The following CHCHD6 variants were observed in gnomAD, a reference collection of about 807,000 sequenced individuals.
The protein encoded by CHCHD6 is MICOS complex subunit MIC25.
Under a neutral mutation model 32.3 loss-of-function variants are expected in CHCHD6, and 28 were observed. That is an observed-to-expected ratio of 0.87 (90% CI 0.64 to 1.19). The LOEUF is 1.19. CHCHD6 is among the 50% of genes most tolerant of loss of function. The probability of loss-of-function intolerance (pLI) is 0.00; values close to 1 mark genes in which losing one functional copy is unlikely to be tolerated. For missense variants in CHCHD6, 333 were observed against 307.0 expected (o/e 1.08, Z -0.63); for synonymous variants, 122 against 117.5 (o/e 1.04, Z -0.25).
At chr3:126,823,196 C>T (rs1056353299) in intron 4 of CHCHD6, among the ~76,000 whole-genome samples, 9 of 152,200 alleles carry the variant, frequency 5.9e-5, no homozygotes, top group African/African-American at 1.7e-4. Context: ...GGATTACAGG[C>T]GTGAGCCATC....
intron 4 of CHCHD6, among the ~76,000 whole-genome samples, chr3:126,786,811 A>C (rs1938235897): frequency 1.3e-5 from 2 of 152,158 alleles, no homozygotes; most frequent in South Asian, 4.1e-4. Flanking sequence ...TTTGCTGTGC[A>C]GAAGCTCTTT....
At chr3:126,769,024 A>G (rs544660973) in intron 4 of CHCHD6, among the ~76,000 whole-genome samples, 5 of 152,320 alleles carry the variant, frequency 3.3e-5, no homozygotes, top group Non-Finnish European at 7.3e-5. Flanking sequence ...TTTGCTCTGC[A>G]GAAGTTCTTT....
chr3:126,706,008 A>G (rs1480777209), intron 1 of CHCHD6, among the ~76,000 whole-genome samples: 1 of 152,144 alleles, frequency 6.6e-6, no homozygotes, highest in Non-Finnish European at 1.5e-5. Flanking sequence ...CACTCGTGGC[A>G]AGGATTAAAT....
rs1226371886 is a variant in CHCHD6 at position 126,927,521 on chromosome 3, A to G, written c.566+12771A>G. Among the ~76,000 whole-genome samples, 7 of 152,216 alleles carry G rather than the reference A, an allele frequency of 4.6e-5. No individual in the cohort carries two copies. The East Asian group carries it at 1.3e-3, about 29-fold the overall frequency. On this transcript the variant is annotated intron_variant, in intron 6 of 7. Coordinates refer to ENST00000290913, the MANE Select transcript of CHCHD6 (RefSeq NM_032343.3). ...ACAGGCTTCAGCCCAGTGCTTTCTG[A>G]GTGCTCAGAGATCCATGACTCAAAA...
intron 4 of CHCHD6, among the ~76,000 whole-genome samples, chr3:126,848,940 A>G (rs1941379937): frequency 6.6e-6 from 1 of 152,084 alleles, no homozygotes; most frequent in Non-Finnish European, 1.5e-5. Context: ...AAAGTTCACT[A>G]TTTCTATTGT....
intron 1 of CHCHD6, among the ~76,000 whole-genome samples, chr3:126,717,869 G>T (rs539744952): frequency 2.0e-5 from 3 of 152,156 alleles, no homozygotes; most frequent in Non-Finnish European, 4.4e-5. Flanking sequence ...TACTCTGCAC[G>T]CGTTCCCCCT....
chr3:126,799,789 C>A (rs1938977358), intron 4 of CHCHD6, among the ~76,000 whole-genome samples: 1 of 152,176 alleles, frequency 6.6e-6, no homozygotes, highest in African/African-American at 2.4e-5. Context: ...CCCAGAATAC[C>A]ACGGCCTGGA....
chr3:126,912,362 T>G (rs1410511018), intron 5 of CHCHD6, among the ~76,000 whole-genome samples: 1 of 152,134 alleles, frequency 6.6e-6, no homozygotes, highest in South Asian at 2.1e-4. Flanking sequence ...TGGTGGATAC[T>G]GGACTGGTCG....
intron 4 of CHCHD6, among the ~76,000 whole-genome samples, chr3:126,822,121 T>A (rs1386564624): frequency 6.6e-6 from 1 of 152,196 alleles, no homozygotes; most frequent in Non-Finnish European, 1.5e-5. Flanking sequence ...AAAACACGTA[T>A]CTATAAAAAT....
intron 4 of CHCHD6, among the ~76,000 whole-genome samples, chr3:126,774,626 G>A (rs1007198578): frequency 2.0e-5 from 3 of 152,080 alleles, no homozygotes; most frequent in African/African-American, 7.2e-5. Flanking sequence ...GCCTCACCAC[G>A]CTTGGGTGGT....
At chr3:126,850,855 A>G (rs969564577) in intron 4 of CHCHD6, among the ~76,000 whole-genome samples, 4 of 152,164 alleles carry the variant, frequency 2.6e-5, no homozygotes, top group African/African-American at 9.7e-5. Context: ...CCTGGGACAC[A>G]GCTTCAGCAG....
At chr3:126,769,620 A>G (rs538157935) in intron 4 of CHCHD6, among the ~76,000 whole-genome samples, 16 of 152,166 alleles carry the variant, frequency 1.1e-4, no homozygotes, top group African/African-American at 3.6e-4. Context: ...CTCCTGCCTC[A>G]GTCTCCCGAG....
At chr3:126,935,002 G>A in intron 6 of CHCHD6, 1 of 330,578 alleles carries the variant, frequency 3.0e-6, no homozygotes, top group Non-Finnish European at 4.4e-6. Context: ...TGGACGAGAA[G>A]ACAGTTTTTA....
chr3:126,765,886 C>T (rs982551071), intron 4 of CHCHD6, among the ~76,000 whole-genome samples: 3 of 152,224 alleles, frequency 2.0e-5, no homozygotes, highest in African/African-American at 7.2e-5. Context: ...AGAAACAGAA[C>T]CAACACCGGC....
intron 5 of CHCHD6, among the ~76,000 whole-genome samples, chr3:126,864,379 T>C: frequency 9.0e-6 from 1 of 110,612 alleles, no homozygotes; most frequent in Non-Finnish European, 1.9e-5. Flanking sequence ...ACCTCCACCA[T>C]CACTACTACA....
intron 5 of CHCHD6, among the ~76,000 whole-genome samples, chr3:126,856,707 C>A (rs1941677833): frequency 6.6e-6 from 1 of 152,200 alleles, no homozygotes; most frequent in Non-Finnish European, 1.5e-5. Context: ...AACCTTGGTG[C>A]TGGGTGGCTC....
intron 5 of CHCHD6, among the ~76,000 whole-genome samples, chr3:126,865,203 T>C (rs1240459054): frequency 1.6e-5 from 2 of 128,300 alleles, no homozygotes; most frequent in Non-Finnish European, 1.6e-5. Flanking sequence ...CTCCACTTCT[T>C]CCTCCTCCTC....
At chr3:126,729,001 A>G (rs936255978) in intron 2 of CHCHD6, among the ~76,000 whole-genome samples, 91 of 152,358 alleles carry the variant, frequency 6.0e-4, no homozygotes, top group African/African-American at 2.1e-3. Flanking sequence ...AGAAATTAAA[A>G]TTAAATTCTT....
chr3:126,786,996 G>T (rs1938247979), intron 4 of CHCHD6, among the ~76,000 whole-genome samples: 1 of 152,062 alleles, frequency 6.6e-6, no homozygotes, highest in African/African-American at 2.4e-5. Context: ...TGAACTAATT[G>T]TTGTATAAGG....
Sources: allele counts gnomAD v4.1 joint callset (sites outside exome capture counted in the v4.1 genomes callset), GRCh38; gene constraint gnomAD v4.1.1; transcripts MANE v1.5; gene names NCBI Gene and HGNC (gene_info 2026-07-23, HGNC 2026-07-21).